The following DCDC2 variants were observed in gnomAD, a reference collection of about 807,000 sequenced individuals.
DCDC2 encodes doublecortin domain-containing protein 2.
DCDC2 carries 40 observed loss-of-function variants against 50.2 expected under a neutral mutation model. The ratio of observed to expected loss-of-function variants is 0.80; its 90% CI spans 0.62 to 1.04. DCDC2 has a LOEUF of 1.04. Among genes scored for constraint, DCDC2 ranks in the 50% least tolerant of loss-of-function variants. DCDC2 has a pLI of 0.00. For missense variants in DCDC2, 570 were observed against 581.9 expected (o/e 0.98, Z 0.21); for synonymous variants, 234 against 210.6 (o/e 1.11, Z -0.96).
At chr6:24,344,064 C>G (rs1209682272) in intron 2 of DCDC2, among the ~76,000 whole-genome samples, 2 of 152,034 alleles carry the variant, frequency 1.3e-5, no homozygotes, top group Non-Finnish European at 2.9e-5. Context: ...CAGAACATAT[C>G]CCTCCTGTCA....
At chr6:24,185,636 C>T (rs1216990790) in intron 8 of DCDC2, among the ~76,000 whole-genome samples, 2 of 150,394 alleles carry the variant, frequency 1.3e-5, no homozygotes, top group Admixed American at 1.3e-4. Context: ...GTGTACACAT[C>T]AATCAAATCA....
the DCDC2 span, among the ~76,000 whole-genome samples, chr6:24,369,140 A>AAAAAAAAAAAAAAAAAAC: frequency 6.6e-6 from 1 of 150,944 alleles, no homozygotes; most frequent in African/African-American, 2.5e-5. Context: ...TCTCAAAAAA[A>AAAAAAAAAAAAAAAAAAC]AAAAAAAAAA....
chr6:24,346,635 G>A (rs1760261903), intron 2 of DCDC2, among the ~76,000 whole-genome samples: 1 of 151,894 alleles, frequency 6.6e-6, no homozygotes, highest in Admixed American at 6.6e-5. Context: ...GGTGTCTGTA[G>A]TCCCAGCTAC....
chr6:24,193,378 T>G (rs970374871), intron 8 of DCDC2, among the ~76,000 whole-genome samples: 5 of 151,908 alleles, frequency 3.3e-5, no homozygotes, highest in African/African-American at 1.2e-4. Flanking sequence ...CCAGGATAAC[T>G]CTGAAAAGCA....
chr6:24,359,523 T>A (rs1190971197), upstream of DCDC2, among the ~76,000 whole-genome samples: 3 of 106,420 alleles, frequency 2.8e-5, no homozygotes, highest in Admixed American at 1.5e-4. Context: ...TATATATATT[T>A]TATATATATT....
chr6:24,223,670 G>C (rs538169595), intron 7 of DCDC2, among the ~76,000 whole-genome samples: 2 of 152,260 alleles, frequency 1.3e-5, no homozygotes, highest in South Asian at 2.1e-4. Context: ...TTACCTCTTT[G>C]AATTTCTTAG....
At chr6:24,278,853 T>C (rs974355972) in intron 6 of DCDC2, among the ~76,000 whole-genome samples, 1 of 152,188 alleles carries the variant, frequency 6.6e-6, no homozygotes, top group Admixed American at 6.5e-5. Flanking sequence ...TTAACGAGTC[T>C]GTTGGTGACC....
intron 2 of DCDC2, among the ~76,000 whole-genome samples, chr6:24,334,073 A>G (rs778587453): frequency 3.3e-5 from 5 of 152,192 alleles, no homozygotes; most frequent in Non-Finnish European, 7.3e-5. Context: ...GTTATTGCTA[A>G]TTGGAGTACA....
At chr6:24,373,016 A>T in the DCDC2 span, among the ~76,000 whole-genome samples, 1 of 152,276 alleles carries the variant, frequency 6.6e-6, no homozygotes, top group Non-Finnish European at 1.5e-5. Context: ...TGTTCACTTC[A>T]TTAGAAATCA....
chr6:24,246,479 CTTTTTTT>C lies in DCDC2; in HGVS notation c.922+31563_922+31569del, dbSNP rs4052666. 1.7e-4 allele frequency among the ~76,000 whole-genome samples: 12 copies of C among 70,790 alleles called. 1 individual carries two copies. Among genetic ancestry groups the C allele is most frequent in the Admixed American group, 1.2e-3 (5 of 4,012 alleles). The allele number at this position is 70,790 out of a possible 152,430, so 46.4% of individuals were successfully genotyped here. On this transcript the variant is annotated intron_variant, in intron 7 of 9. Transcript: ENST00000378454. Reference sequence around the variant, plus strand: ...GATAAAGACAAGTCTTTTTCTTTTTCTTTTTTTTTTTTTTTTTTTTTTTTTGAGATGG... The same window carrying C: ...GATAAAGACAAGTCTTTTTCTTTTTCTTTTTTTTTTTTTTTTTTGAGATGG...
At chr6:24,269,309 A>G (rs1763189316) in intron 7 of DCDC2, among the ~76,000 whole-genome samples, 1 of 152,230 alleles carries the variant, frequency 6.6e-6, no homozygotes, top group Non-Finnish European at 1.5e-5. Flanking sequence ...CAAAATTAAT[A>G]CAGAGGTCTA....
chr6:24,216,023 G>A (rs1761966911), intron 7 of DCDC2, among the ~76,000 whole-genome samples: 1 of 152,198 alleles, frequency 6.6e-6, no homozygotes, highest in South Asian at 2.1e-4. Context: ...GAAGGAAGGG[G>A]ATGGGGGTGG....
intron 7 of DCDC2, among the ~76,000 whole-genome samples, chr6:24,272,276 C>T (rs893445489): frequency 3.6e-4 from 55 of 152,248 alleles, no homozygotes; most frequent in African/African-American, 1.3e-3. Context: ...TAAGACCTCT[C>T]GCTGTACTAG....
At chr6:24,185,603 T>C (rs1761173451) in intron 8 of DCDC2, among the ~76,000 whole-genome samples, 1 of 151,754 alleles carries the variant, frequency 6.6e-6, no homozygotes, top group African/African-American at 2.4e-5. Flanking sequence ...GAAGCAGACA[T>C]TAAATTATTA....
chr6:24,212,510 T>A (rs544511623), intron 7 of DCDC2, among the ~76,000 whole-genome samples: 3 of 152,288 alleles, frequency 2.0e-5, no homozygotes, highest in Admixed American at 6.5e-5. Flanking sequence ...CCCACACATC[T>A]TCCAGAGGAA....
In DCDC2 at chr6:24,317,089, ATC is replaced by A. The variant is rs1209060428; in HGVS notation, c.349-15047_349-15046del. Among the ~76,000 whole-genome samples, 1,136 of 152,162 alleles carry A rather than the reference ATC, an allele frequency of 7.5e-3. 10 individuals are homozygous for A. The highest frequency in any genetic ancestry group is 0.025 in the African/African-American group (1,058 of 41,544). Reference sequence around the variant, plus strand: ...CATATATGCACACATACATGCATACATCTGTATTTACAGATGTATGTATGGAG... The same window carrying A: ...CATATATGCACACATACATGCATACATGTATTTACAGATGTATGTATGGAG... On this transcript the variant is annotated intron_variant, in intron 2 of 9. Transcript: ENST00000378454.
intron 7 of DCDC2, among the ~76,000 whole-genome samples, chr6:24,264,825 C>T (rs1763083712): frequency 6.7e-6 from 1 of 150,172 alleles, no homozygotes; most frequent in African/African-American, 2.5e-5. Flanking sequence ...AAAGAGTGGC[C>T]GAATGGATTA....
At chr6:24,375,963 G>C in the DCDC2 span, among the ~76,000 whole-genome samples, 12 of 152,204 alleles carry the variant, frequency 7.9e-5, no homozygotes, top group African/African-American at 2.9e-4. Context: ...ATATGAGCAT[G>C]CCTGACAGAC....
chr6:24,255,605 AT>A (rs1163089596), intron 7 of DCDC2, among the ~76,000 whole-genome samples: 1 of 152,186 alleles, frequency 6.6e-6, no homozygotes, highest in Non-Finnish European at 1.5e-5. Context: ...AAGGCAAACA[AT>A]ACAACAGAAA....
Sources: gnomAD v4.1 joint callset for allele counts (sites outside exome capture counted in the v4.1 genomes callset) on GRCh38, gnomAD v4.1.1 for gene constraint, MANE v1.5 for transcripts, NCBI Gene and HGNC (gene_info 2026-07-23, HGNC 2026-07-21) for gene names.